ESRP1: variants seen among roughly 807,000 people sequenced by gnomAD.
ESRP1 encodes the protein epithelial splicing regulatory protein 1.
ESRP1 carries 33 observed loss-of-function variants against 81.7 expected under a neutral mutation model. The ratio of observed to expected loss-of-function variants is 0.40; its 90% CI spans 0.31 to 0.54. The LOEUF (loss-of-function observed/expected upper bound fraction) is 0.54, where lower values mean the gene tolerates loss of function less well. Ranked by LOEUF, ESRP1 falls within the 20% of genes least tolerant of loss-of-function variation. The pLI is 0.41. For missense variants in ESRP1, 672 were observed against 833.1 expected (o/e 0.81, Z 2.38); for synonymous variants, 320 against 303.3 (o/e 1.06, Z -0.57).
At chr8:94,672,141 C>T (rs1347658639) in intron 11 of ESRP1, among the ~76,000 whole-genome samples, 2 of 152,108 alleles carry the variant, frequency 1.3e-5, no homozygotes, top group African/African-American at 2.4e-5. Flanking sequence ...CTTATTTTAA[C>T]AAATAATCAT....
intron 13 of ESRP1, among the ~76,000 whole-genome samples, chr8:94,691,550 C>A (rs1299603407): frequency 6.6e-6 from 1 of 152,180 alleles, no homozygotes; most frequent in Non-Finnish European, 1.5e-5. Context: ...GATCACCCCC[C>A]AGTAAGCAAA....
chr8:94,684,573 G>A (rs1809060200), intron 13 of ESRP1, among the ~76,000 whole-genome samples: 2 of 152,136 alleles, frequency 1.3e-5, no homozygotes, highest in African/African-American at 4.8e-5. Flanking sequence ...GGATGTTAAT[G>A]TTGGTAAAAT....
intron 15 of ESRP1, among the ~76,000 whole-genome samples, chr8:94,702,902 G>T (rs1316524724): frequency 6.6e-6 from 1 of 152,104 alleles, no homozygotes; most frequent in Admixed American, 6.5e-5. Flanking sequence ...GTAGCATATA[G>T]CACCAGTGGT....
chr8:94,705,665 T>A (rs1337272803), intron 15 of ESRP1: 6 of 389,660 alleles, frequency 1.5e-5, no homozygotes, highest in South Asian at 5.2e-5. Flanking sequence ...ACTAAACACA[T>A]GATACTACAA....
chr8:94,683,762 C>T (rs931374061), intron 13 of ESRP1, among the ~76,000 whole-genome samples: 2 of 152,088 alleles, frequency 1.3e-5, no homozygotes, highest in Admixed American at 6.6e-5. Context: ...TTATGATTAT[C>T]AGGTTTTTTA....
rs77981172 is a variant in ESRP1 at position 94,685,205 on chromosome 8, A to G, written c.1820+6834A>G. Among the ~76,000 whole-genome samples the G allele has an allele frequency of 6.8e-3, 1,040 of 152,248 alleles. 14 individuals carry two copies. Among genetic ancestry groups the G allele is most frequent in the African/African-American group, 0.023 (970 of 41,534 alleles). On this transcript the variant is annotated intron_variant, in intron 13 of 15. Coordinates refer to ENST00000433389, the MANE Select transcript of ESRP1 (RefSeq NM_017697.4). Reference sequence around the variant, plus strand: ...AAGAGTATTATAAGTCTTATTATCAATATAGCATATATTATGAGTATGTTG... The same window carrying G: ...AAGAGTATTATAAGTCTTATTATCAGTATAGCATATATTATGAGTATGTTG...
intron 13 of ESRP1, among the ~76,000 whole-genome samples, chr8:94,690,411 G>C (rs1809354235): frequency 6.6e-6 from 1 of 150,506 alleles, no homozygotes; most frequent in African/African-American, 2.4e-5. Context: ...GGGATCACAG[G>C]TATGAGCCAC....
intron 15 of ESRP1, among the ~76,000 whole-genome samples, chr8:94,698,978 C>T (rs1193973516): frequency 1.3e-5 from 2 of 152,054 alleles, no homozygotes; most frequent in African/African-American, 4.8e-5. Flanking sequence ...TGGGTGTTCT[C>T]TAGTCTTTGT....
chr8:94,687,970 A>G (rs1378463701), intron 13 of ESRP1, among the ~76,000 whole-genome samples: 1 of 152,138 alleles, frequency 6.6e-6, no homozygotes, highest in Non-Finnish European at 1.5e-5. Context: ...CCAGGGTCAC[A>G]AAGATTTACT....
chr8:94,657,711 T>C (rs557326039), intron 4 of ESRP1, among the ~76,000 whole-genome samples: 16 of 152,364 alleles, frequency 1.1e-4, no homozygotes, highest in Non-Finnish European at 2.2e-4. Context: ...AAATGATTCT[T>C]CAGCTACAAG....
In ESRP1 at chr8:94,674,312, G is replaced by A. The variant is rs895123100; in HGVS notation, c.1457G>A (p.Arg486His). The change falls in exon 12 of 16, where the codon CGC (arginine) becomes CAC (histidine). Residue 486 changes from arginine to histidine, a missense_variant. Transcript: ENST00000433389. ...ATTCTTCCCCCACACACTCAGGGCCGCCCATCAGGAGATGCCTTTATCCAG... is the reference window on the plus strand; with the variant it reads ...ATTCTTCCCCCACACACTCAGGGCCACCCATCAGGAGATGCCTTTATCCAG... The part of the protein sequence containing the change: ...GVHMVLNHQG[R>H]PSGDAFIQMK... The A allele has an allele frequency of 1.2e-5, 20 of 1,613,180 alleles. No homozygotes were observed. The highest frequency in any genetic ancestry group is 4.5e-5 in the East Asian group (2 of 44,880).
In ESRP1 at chr8:94,668,105, C is replaced by T. The variant is rs764001346; in HGVS notation, c.1088C>T (p.Thr363Ile). The change falls in exon 10 of 16, where the codon ACC (threonine) becomes ATC (isoleucine). Residue 363 changes from threonine (T) to isoleucine (I), a missense_variant. Physicochemically the swap from Thr to Ile is moderately conservative, Grantham distance 89. Coordinates refer to ENST00000433389, the MANE Select transcript of ESRP1 (RefSeq NM_017697.4). ...TGGKEGILFV[T>I]YPDGRPTGDA... is the part of the protein sequence containing the mutation. ...GGAAAGGAAGGCATCCTCTTTGTCA[C>T]CTACCCAGATGGTAGGCCAACAGGG... 19 of 1,614,020 alleles carry T rather than the reference C, an allele frequency of 1.2e-5. No homozygotes were observed. In the South Asian group the frequency reaches 1.9e-4, roughly 16 times the overall value.
Position 94,641,873 on chromosome 8 carries a change from C to T in ESRP1, c.133-83C>T, listed in dbSNP as rs2130517064. 1.3e-6 allele frequency: 2 copies of T among 1,568,814 alleles called. 1 individual carries two copies. ...GGACCCCAAGAGAGGCGCGGGCCGC[C>T]CCAGCAGGGGAGCGAGGGAGGAGGG... On this transcript the variant is annotated intron_variant, in intron 1 of 15. Transcript: ENST00000433389.
intron 15 of ESRP1, among the ~76,000 whole-genome samples, chr8:94,704,735 T>G (rs1289256169): frequency 1.5e-5 from 2 of 132,334 alleles, no homozygotes; most frequent in Admixed American, 8.9e-5. Flanking sequence ...TACTCCAGCC[T>G]GGGTGACAAT....
intron 12 of ESRP1, among the ~76,000 whole-genome samples, chr8:94,677,232 G>A (rs1182070137): frequency 1.3e-5 from 2 of 152,326 alleles, no homozygotes; most frequent in Middle Eastern, 3.4e-3. Context: ...TTTGAAGTCA[G>A]CTTGGAGATT....
intron 3 of ESRP1, among the ~76,000 whole-genome samples, chr8:94,645,316 G>T (rs1192638281): frequency 1.3e-5 from 2 of 151,728 alleles, no homozygotes; most frequent in African/African-American, 4.8e-5. Context: ...TGTAAAAATG[G>T]GTAAAAATTC....
chr8:94,674,050 A>T (rs1370497482), intron 11 of ESRP1, among the ~76,000 whole-genome samples: 2 of 152,276 alleles, frequency 1.3e-5, no homozygotes. Flanking sequence ...TGTAAATCTG[A>T]TACTAATTAA....
chr8:94,651,240 T>TA (rs1491465098), intron 4 of ESRP1, among the ~76,000 whole-genome samples: 360 of 31,320 alleles, frequency 0.011, no homozygotes, highest in African/African-American at 0.065. Context: ...TAGTGTGGTC[T>TA]TTTTTTTTTT....
At position 94,665,279 on chromosome 8, in the gene ESRP1, T is replaced by C. The variant is rs1818962842; in HGVS notation, c.931+83T>C. 7.5e-6 allele frequency: 10 copies of C among 1,335,840 alleles called. No individual in the cohort carries two copies. In the Admixed American group the frequency reaches 1.8e-4, roughly 24 times the overall value. The allele number at this position is 1,335,840 out of a possible 1,614,324, so 82.7% of individuals were successfully genotyped here. On this transcript the variant is annotated intron_variant, in intron 9 of 15. Coordinates refer to ENST00000433389, the MANE Select transcript of ESRP1 (RefSeq NM_017697.4). ...CTTAAATTTAGCAAGAGTAGGTGAA[T>C]AGGGTCATGAATGGTTTTTATTTTC...
Sources: gnomAD v4.1 joint callset for allele counts (sites outside exome capture counted in the v4.1 genomes callset) on GRCh38, gnomAD v4.1.1 for gene constraint, MANE v1.5 for transcripts, NCBI Gene and HGNC (gene_info 2026-07-23, HGNC 2026-07-21) for gene names.